The following GRIP1 variants were observed in gnomAD, a reference collection of about 807,000 sequenced individuals.
GRIP1 encodes glutamate receptor-interacting protein 1.
In GRIP1, 45 loss-of-function variants were observed where a neutral mutation model predicts 129.9. The observed-to-expected ratio is 0.35, with a 90% CI of 0.27 to 0.44. The LOEUF (loss-of-function observed/expected upper bound fraction) is 0.44, where lower values mean the gene tolerates loss of function less well. Among genes scored for constraint, GRIP1 ranks in the 20% least tolerant of loss-of-function variants. GRIP1 has a pLI of 1.00. For missense variants in GRIP1, 1,196 were observed against 1,396.8 expected (o/e 0.86, Z 2.29); for synonymous variants, 530 against 520.8 (o/e 1.02, Z -0.24).
intron 1 of GRIP1, among the ~76,000 whole-genome samples, chr12:66,907,712 A>G (rs2040957923): frequency 6.6e-6 from 1 of 152,198 alleles, no homozygotes; most frequent in Non-Finnish European, 1.5e-5. Context: ...GGTAGTGTGA[A>G]GAAAGACTAC....
chr12:67,066,178 G>A (rs752087736), intron 1 of GRIP1, among the ~76,000 whole-genome samples: 42 of 152,230 alleles, frequency 2.8e-4, no homozygotes, highest in Non-Finnish European at 5.3e-4. Flanking sequence ...ACAGGCCTTC[G>A]AGATGAACCC....
chr12:67,020,575 T>A (rs989899902), intron 1 of GRIP1, among the ~76,000 whole-genome samples: 3 of 152,126 alleles, frequency 2.0e-5, no homozygotes, highest in Middle Eastern at 3.4e-3. Context: ...GCAAATTTTT[T>A]AAAATGTTTT....
chr12:66,533,863 TCACA>T (rs1179278383), intron 4 of GRIP1, among the ~76,000 whole-genome samples: 2,456 of 98,354 alleles, frequency 0.025, 62 homozygotes, highest in African/African-American at 0.092. Flanking sequence ...ACACACACAC[TCACA>T]CACACACACA....
At chr12:66,610,643 C>T (rs1026330061) in intron 1 of GRIP1, among the ~76,000 whole-genome samples, 3 of 152,080 alleles carry the variant, frequency 2.0e-5, no homozygotes, top group African/African-American at 4.8e-5. Context: ...TTGAGATTGC[C>T]ATATGACATT....
rs535934601 is a variant in GRIP1, at chr12:67,037,060, A to G, written c.58+31990T>C. ...AAAATATAATACTCAGGCCAGGCGC[A>G]GTGGCTCACGCCTGCAATCCCAGCA... On this transcript the variant is annotated intron_variant, in intron 1 of 1. Coordinates refer to the GRIP1 transcript ENST00000643019. 4.6e-5 allele frequency among the ~76,000 whole-genome samples: 7 copies of G among 152,256 alleles called. No homozygotes were observed. In the East Asian group the frequency reaches 1.4e-3, roughly 29 times the overall value.
chr12:66,928,428 G>A (rs925778212), intron 1 of GRIP1, among the ~76,000 whole-genome samples: 18 of 152,112 alleles, frequency 1.2e-4, no homozygotes. Context: ...AGAACACTTA[G>A]AAGTACTTTA....
chr12:66,477,639 T>C (rs373981410), intron 7 of GRIP1, among the ~76,000 whole-genome samples: 2 of 152,034 alleles, frequency 1.3e-5, no homozygotes, highest in South Asian at 2.1e-4. Context: ...TACTACAAGG[T>C]TACAGTAACC....
At chr12:67,046,196 T>A (rs893589960) in intron 1 of GRIP1, among the ~76,000 whole-genome samples, 10 of 152,124 alleles carry the variant, frequency 6.6e-5, no homozygotes, top group Non-Finnish European at 1.5e-4. Context: ...CAATAATTCC[T>A]CACCTCCTGC....
At chr12:66,771,694 C>T (rs576045837) in intron 1 of GRIP1, among the ~76,000 whole-genome samples, 1 of 152,286 alleles carries the variant, frequency 6.6e-6, no homozygotes, top group South Asian at 2.1e-4. Flanking sequence ...TACTGGGTCC[C>T]ACCCCAAGGC....
At chr12:66,996,308 G>C (rs2042466264) in intron 1 of GRIP1, among the ~76,000 whole-genome samples, 1 of 151,454 alleles carries the variant, frequency 6.6e-6, no homozygotes, top group Non-Finnish European at 1.5e-5. Context: ...GTGTTACGTA[G>C]ATTATATTTC....
At chr12:66,480,603 A>C (rs1264586070) in intron 7 of GRIP1, among the ~76,000 whole-genome samples, 23 of 152,240 alleles carry the variant, frequency 1.5e-4, no homozygotes, top group Admixed American at 1.4e-3. Flanking sequence ...CATATAGCCA[A>C]GACAATCCTA....
At chr12:66,421,369 C>A (rs1415872628) in intron 14 of GRIP1, among the ~76,000 whole-genome samples, 1 of 152,066 alleles carries the variant, frequency 6.6e-6, no homozygotes, top group African/African-American at 2.4e-5. Context: ...CATGGTGAAA[C>A]CCCACCTCTA....
intron 5 of GRIP1, among the ~76,000 whole-genome samples, chr12:66,525,649 C>G (rs2061204668): frequency 6.6e-6 from 1 of 151,684 alleles, no homozygotes; most frequent in Admixed American, 6.6e-5. Flanking sequence ...CTCACCACTC[C>G]TATTAAACGT....
At position 66,406,290 on chromosome 12, in the gene GRIP1, A is replaced by G. The variant is rs1260222578; in HGVS notation, c.1977T>C (p.Asp659=). The G allele has an allele frequency of 1.2e-6, 2 of 1,614,142 alleles. No individual in the cohort carries two copies. Among genetic ancestry groups the G allele is most frequent in the East Asian group, 2.2e-5 (1 of 44,882 alleles). ...LVKLKIRKDE[D]NSDEQESSGA... ...TAAGGATGCTCTCAATACCTGAATT[A>G]TCTTCATCTTTGCGGATTTTGAGCT... The change falls in exon 16 of 25, where the codon GAT becomes GAC. Residue 659 remains aspartate (D), a synonymous_variant. Coordinates refer to ENST00000359742, the MANE Select transcript of GRIP1 (RefSeq NM_001366722.1).
intron 1 of GRIP1, among the ~76,000 whole-genome samples, chr12:66,923,351 A>G (rs76820866): frequency 0.03 from 4,503 of 152,256 alleles, 96 homozygotes; most frequent in Non-Finnish European, 0.049. Context: ...TCTCAAAAAC[A>G]GACAAAAAAC....
chr12:66,737,696 C>T (rs1287504933), intron 1 of GRIP1, among the ~76,000 whole-genome samples: 1 of 152,210 alleles, frequency 6.6e-6, no homozygotes, highest in Non-Finnish European at 1.5e-5. Context: ...TGCCACATCA[C>T]TTCACTGTAT....
At chr12:66,513,365 G>A (rs545342600) in intron 7 of GRIP1, among the ~76,000 whole-genome samples, 1 of 152,100 alleles carries the variant, frequency 6.6e-6, no homozygotes, top group African/African-American at 2.4e-5. Flanking sequence ...TAACCTCAAA[G>A]ATGCTTTTTT....
intron 1 of GRIP1, among the ~76,000 whole-genome samples, chr12:66,875,559 T>C (rs562933869): frequency 2.0e-5 from 3 of 152,190 alleles, no homozygotes; most frequent in Admixed American, 1.3e-4. Flanking sequence ...AGTCAGTAAT[T>C]AAATTCCATG....
chr12:66,759,218 C>G lies in GRIP1; in HGVS notation c.-420+44835G>C, dbSNP rs1446874642. On this transcript the variant is annotated intron_variant, in intron 1 of 4. Transcript: ENST00000538373. ...TTTGACTTCTGTGCACCCACAGGCT[C>G]AACACCATGTGGAAGCTGCCAAGGC... Among the ~76,000 whole-genome samples, 5 of 152,220 alleles carry G rather than the reference C, an allele frequency of 3.3e-5. No individual in the cohort carries two copies. In the East Asian group the frequency reaches 9.6e-4, roughly 29 times the overall value.
Sources: gnomAD v4.1 joint callset for allele counts (sites outside exome capture counted in the v4.1 genomes callset) on GRCh38, gnomAD v4.1.1 for gene constraint, MANE v1.5 for transcripts, NCBI Gene and HGNC (gene_info 2026-07-23, HGNC 2026-07-21) for gene names.